The following HIVEP1 variants were observed in gnomAD, a reference collection of about 807,000 sequenced individuals.
HIVEP1 encodes the protein HIVEP zinc finger 1.
A neutral mutation model predicts 180.0 loss-of-function variants in HIVEP1; 36 were observed. That is an observed-to-expected ratio of 0.20 (90% CI 0.15 to 0.26). The LOEUF (loss-of-function observed/expected upper bound fraction) is 0.26. Among genes scored for constraint, HIVEP1 ranks in the 10% least tolerant of loss-of-function variants. The probability of loss-of-function intolerance (pLI) is 1.00; values close to 1 mark genes in which losing one functional copy is unlikely to be tolerated. For synonymous variants in HIVEP1, 1,239 were observed against 1,239.0 expected, an observed-to-expected ratio of 1.00 and a Z score of 0.00; for missense variants, 3,143 against 3,268.7, an observed-to-expected ratio of 0.96 and a Z score of 0.94.
At chr6:12,178,960 GATAAA>G in the HIVEP1 span, among the ~76,000 whole-genome samples, 2 of 152,144 alleles carry the variant, frequency 1.3e-5, no homozygotes, top group Admixed American at 1.3e-4. Flanking sequence ...CATGTTTTGA[GATAAA>G]ATAACCAGTT....
chr6:12,015,498 T>A (rs1767682355), intron 1 of HIVEP1, 28 bp from the exon 2 acceptor site: 1 of 733,212 alleles, frequency 1.4e-6, no homozygotes, highest in South Asian at 1.7e-5. Context: ...GGTAGTAAAA[T>A]GTGCTTCTCC....
At chr6:12,074,442 C>A (rs1772203415) in intron 2 of HIVEP1, among the ~76,000 whole-genome samples, 1 of 152,018 alleles carries the variant, frequency 6.6e-6, no homozygotes. Flanking sequence ...AATTTAACAA[C>A]TGAAAAAAAT....
chr6:12,109,221 C>T (rs977422612), intron 3 of HIVEP1, among the ~76,000 whole-genome samples: 6 of 152,100 alleles, frequency 3.9e-5, no homozygotes, highest in African/African-American at 7.2e-5. Flanking sequence ...TCTCAATCTC[C>T]TGACCTCGTG....
Position 12,161,700 on chromosome 6 carries a change from C to A in HIVEP1, c.6749C>A (p.Pro2250His). ...GVHTDPMDVL[P>H]RALLTRMTVL... Reference sequence around the variant, plus strand: ...CACACGGACCCAATGGACGTTCTGCCCAGGGCGCTGCTCACCAGAATGACT... The same window carrying A: ...CACACGGACCCAATGGACGTTCTGCACAGGGCGCTGCTCACCAGAATGACT... The change falls in exon 8 of 9, where the codon CCC becomes CAC. Residue 2250 changes from proline to histidine, a missense_variant. Physicochemically the swap from Pro to His is moderately conservative, Grantham distance 77. Coordinates refer to ENST00000379388, the MANE Select transcript of HIVEP1 (RefSeq NM_002114.4). 6 of 1,614,150 alleles carry A rather than the reference C, an allele frequency of 3.7e-6. No homozygotes were observed. Among genetic ancestry groups the A allele is most frequent in the Non-Finnish European group, 5.1e-6 (6 of 1,180,018 alleles).
At chr6:12,045,449 C>T (rs1770061746) in intron 2 of HIVEP1, among the ~76,000 whole-genome samples, 1 of 152,178 alleles carries the variant, frequency 6.6e-6, no homozygotes, top group Admixed American at 6.5e-5. Context: ...ATGAGTTGGG[C>T]ACATTTTTAA....
intron 2 of HIVEP1, among the ~76,000 whole-genome samples, chr6:12,051,963 A>T (rs531154169): frequency 6.6e-6 from 1 of 152,232 alleles, no homozygotes; most frequent in African/African-American, 2.4e-5. Context: ...TCCAGTTTCA[A>T]AATGAGTTTA....
At chr6:12,196,798 G>A in the HIVEP1 span, among the ~76,000 whole-genome samples, 3 of 152,168 alleles carry the variant, frequency 2.0e-5, no homozygotes, top group Non-Finnish European at 4.4e-5. Context: ...ATCTCAAGCT[G>A]CCCGGCATGT....
Position 12,013,984 on chromosome 6 carries a change from C to T in HIVEP1, c.-104+1418C>T, listed in dbSNP as rs566377036. Among the ~76,000 whole-genome samples the T allele has an allele frequency of 6.6e-5, 10 of 152,336 alleles. No individual in the cohort carries two copies. In the South Asian group the frequency reaches 1.4e-3, roughly 22 times the overall value. On this transcript the variant is annotated intron_variant, in intron 1 of 8. Transcript: ENST00000379388. ...AACCATAAATTTCTAAAACCTTATACTGGGATGTTAGACACATTCCTTCCC... is the reference window on the plus strand; with the variant it reads ...AACCATAAATTTCTAAAACCTTATATTGGGATGTTAGACACATTCCTTCCC...
Position 12,114,776 on chromosome 6 carries a change from A to C in HIVEP1, c.95-5114A>C, listed in dbSNP as rs373636690. 2.0e-4 allele frequency among the ~76,000 whole-genome samples: 30 copies of C among 152,316 alleles called. No homozygotes were observed. In the South Asian group the frequency reaches 5.8e-3, roughly 29 times the overall value. On this transcript the variant is annotated intron_variant, in intron 3 of 8. Coordinates refer to ENST00000379388, the MANE Select transcript of HIVEP1 (RefSeq NM_002114.4). ...AATTTCTTGTCCTGAATTTCCAGCT[A>C]CAGTTTACAATTCTGTGCATGTATA...
At chr6:12,110,341 C>T (rs374873899) in intron 3 of HIVEP1, among the ~76,000 whole-genome samples, 1 of 152,232 alleles carries the variant, frequency 6.6e-6, no homozygotes, top group South Asian at 2.1e-4. Flanking sequence ...GTATGAAAGC[C>T]CTGGATGGCA....
chr6:12,103,364 AC>A (rs1045173453), intron 3 of HIVEP1, among the ~76,000 whole-genome samples: 8 of 152,156 alleles, frequency 5.3e-5, no homozygotes, highest in Admixed American at 3.3e-4. Context: ...AATAGAACTT[AC>A]CCAAGGTCAC....
chr6:12,017,069 T>G (rs1767818089), intron 2 of HIVEP1, among the ~76,000 whole-genome samples: 1 of 152,242 alleles, frequency 6.6e-6, no homozygotes, highest in African/African-American at 2.4e-5. Context: ...AGGTGTTATT[T>G]ATTAGGCCAT....
At chr6:12,197,595 T>G in the HIVEP1 span, among the ~76,000 whole-genome samples, 1 of 147,782 alleles carries the variant, frequency 6.8e-6, no homozygotes, top group African/African-American at 2.5e-5. Flanking sequence ...AAGAAAACCG[T>G]AGAGCAGAAG....
At chr6:12,209,014 A>G in the HIVEP1 span, among the ~76,000 whole-genome samples, 1 of 152,140 alleles carries the variant, frequency 6.6e-6, no homozygotes, top group Non-Finnish European at 1.5e-5. Context: ...GCTGTTCTGC[A>G]CACGTGCCAT....
intron 3 of HIVEP1, among the ~76,000 whole-genome samples, chr6:12,106,698 T>C (rs1215179651): frequency 6.6e-6 from 1 of 152,218 alleles, no homozygotes; most frequent in African/African-American, 2.4e-5. Flanking sequence ...TTATATTTCA[T>C]TGATTTTTAT....
intron 2 of HIVEP1, among the ~76,000 whole-genome samples, chr6:12,054,635 A>T (rs183573674): frequency 6.6e-6 from 1 of 152,332 alleles, no homozygotes; most frequent in Non-Finnish European, 1.5e-5. Flanking sequence ...AAATGACTGC[A>T]TAATATTGTA....
At chr6:12,092,846 C>T (rs1392915863) in intron 3 of HIVEP1, among the ~76,000 whole-genome samples, 1 of 152,094 alleles carries the variant, frequency 6.6e-6, no homozygotes, top group African/African-American at 2.4e-5. Flanking sequence ...CATTCAGAAC[C>T]AGAAGAGGTT....
chr6:12,032,589 C>G (rs931258445), intron 2 of HIVEP1, among the ~76,000 whole-genome samples: 1 of 152,154 alleles, frequency 6.6e-6, no homozygotes, highest in Non-Finnish European at 1.5e-5. Flanking sequence ...GTTACTTAAT[C>G]TCTCTGAACC....
chr6:12,045,527 G>C lies in HIVEP1; in HGVS notation c.40+29859G>C, dbSNP rs116341023. Among the ~76,000 whole-genome samples, 600 of 152,326 alleles carry C rather than the reference G, an allele frequency of 3.9e-3. 3 individuals are homozygous for C. The highest frequency in any genetic ancestry group is 0.014 in the African/African-American group (570 of 41,562). ...GCCAGCTTTAGAATACATTGTGAAT[G>C]GTGTCTCCTGGGATTGTGCAGTGAG... On this transcript the variant is annotated intron_variant, in intron 2 of 8. Transcript: ENST00000379388.
Sources: gnomAD v4.1 joint callset for allele counts (sites outside exome capture counted in the v4.1 genomes callset) on GRCh38, gnomAD v4.1.1 for gene constraint, MANE v1.5 for transcripts, NCBI Gene and HGNC (gene_info 2026-07-23, HGNC 2026-07-21) for gene names.